The following EOGT variants were observed in gnomAD, a reference collection of about 807,000 sequenced individuals.
EOGT encodes EGF domain-specific O-linked N-acetylglucosamine transferase.
Under a neutral mutation model 70.5 loss-of-function variants are expected in EOGT, and 55 were observed. The ratio of observed to expected loss-of-function variants is 0.78; its 90% confidence interval spans 0.63 to 0.98. The LOEUF (loss-of-function observed/expected upper bound fraction) is 0.98, where lower values mean the gene tolerates loss of function less well. Ranked by LOEUF, EOGT falls within the 50% of genes least tolerant of loss-of-function variation. EOGT has a pLI of 0.00. For missense variants in EOGT, 703 were observed against 641.9 expected (o/e 1.10, Z -1.03); for synonymous variants, 246 against 217.1 (o/e 1.13, Z -1.17).
chr3:68,982,869 C>G lies in EOGT; in HGVS notation c.1156G>C (p.Val386Leu), dbSNP rs900088584. 1.3e-6 allele frequency: 2 copies of G among 1,599,292 alleles called. No individual in the cohort carries two copies. The highest frequency in any genetic ancestry group is 1.7e-6 in the Non-Finnish European group (2 of 1,173,028). The change falls in exon 15 of 18, where the codon GTA (valine) becomes CTA (leucine). Residue 386 changes from valine to leucine, a missense_variant. Coordinates refer to ENST00000383701, the MANE Select transcript of EOGT (RefSeq NM_001278689.2). Reference sequence around the variant, plus strand: ...GTAGATACTGTTTTCAGTGCATTTACAAGCTGGGAAAAAAAGAGAAACATT... The same window carrying G: ...GTAGATACTGTTTTCAGTGCATTTAGAAGCTGGGAAAAAAAGAGAAACATT... ...YRKILNQNEL[V>L]NALKTVSTFE...
intron 14 of EOGT, among the ~76,000 whole-genome samples, chr3:68,983,541 T>C (rs962789861): frequency 3.3e-5 from 5 of 152,270 alleles, no homozygotes; most frequent in Non-Finnish European, 7.3e-5. Context: ...AACTGTGTCA[T>C]GTTGCCTTGT....
At chr3:68,990,313 C>A (rs1186485495) in intron 10 of EOGT, among the ~76,000 whole-genome samples, 1 of 150,924 alleles carries the variant, frequency 6.6e-6, no homozygotes, top group Non-Finnish European at 1.5e-5. Flanking sequence ...TGCCTTTCAG[C>A]AGGAATTAGT....
intron 8 of EOGT, among the ~76,000 whole-genome samples, chr3:69,002,844 CTTT>C (rs1559610135): frequency 6.6e-6 from 1 of 151,758 alleles, no homozygotes; most frequent in Non-Finnish European, 1.5e-5. Flanking sequence ...TTTTATTTTT[CTTT>C]TTTAGAGATG....
intron 14 of EOGT, among the ~76,000 whole-genome samples, chr3:68,984,849 A>T (rs780077366): frequency 1.3e-5 from 2 of 152,054 alleles, no homozygotes; most frequent in Non-Finnish European, 2.9e-5. Flanking sequence ...TTCCTGATGG[A>T]CTGGGGCCAG....
intron 9 of EOGT, 35 bp from the exon 10 acceptor site, chr3:68,998,149 C>CAA: frequency 8.8e-7 from 1 of 1,135,418 alleles, no homozygotes; most frequent in Non-Finnish European, 1.3e-6. Context: ...TTAATTAACA[C>CAA]CAAAGAGCAC....
rs116007086 is a variant in EOGT at position 69,009,725 on chromosome 3, C to A, written c.122G>T (p.Arg41Leu). ...GAAGGGAATGTGCTCCTCTGGCAAGCGGATGCTGGCATAGTTATACAGAGG... is the reference window on the plus strand; with the variant it reads ...GAAGGGAATGTGCTCCTCTGGCAAGAGGATGCTGGCATAGTTATACAGAGG... ...GEPLYNYASI[R>L]LPEEHIPFFL... Residue 41 changes from arginine (R) to leucine (L), a missense_variant, in exon 4 of 18, where the codon CGC (arginine) becomes CTC (leucine). Coordinates refer to ENST00000383701, the MANE Select transcript of EOGT (RefSeq NM_001278689.2). 765 of 1,613,998 alleles carry A rather than the reference C, an allele frequency of 4.7e-4. 2 individuals are homozygous for A. The African/African-American group carries it at 8.7e-3, about 18-fold the overall frequency.
At position 69,007,753 on chromosome 3, in the gene EOGT, C is replaced by A. The variant is rs992843215; in HGVS notation, c.380G>T (p.Arg127Met). Reference sequence around the variant, plus strand: ...ACAGAGCACATGCATCTCCTCCAGCCTCTCTCTGGCATATCCAAAGTCAGC... The same window carrying A: ...ACAGAGCACATGCATCTCCTCCAGCATCTCTCTGGCATATCCAAAGTCAGC... Reference protein sequence around the residue: ...KQADFGYARERLEEMHVLCQP... With the variant: ...KQADFGYAREMLEEMHVLCQP... The change falls in exon 6 of 18, where the codon AGG becomes ATG. Residue 127 changes from arginine to methionine, a missense_variant. Arg to Met is a moderately conservative substitution (Grantham distance 91, BLOSUM62 -1). Coordinates refer to ENST00000383701, the MANE Select transcript of EOGT (RefSeq NM_001278689.2). The A allele has an allele frequency of 3.1e-6, 5 of 1,613,270 alleles. No individual in the cohort carries two copies. Among genetic ancestry groups the A allele is most frequent in the Non-Finnish European group, 4.2e-6 (5 of 1,179,556 alleles).
intron 10 of EOGT, among the ~76,000 whole-genome samples, chr3:68,991,633 A>G (rs142865184): frequency 5.0e-4 from 76 of 152,316 alleles, no homozygotes; most frequent in African/African-American, 1.7e-3. Context: ...AATATGAGAC[A>G]GAGAATGTAT....
chr3:69,009,805 G>A lies in EOGT; in HGVS notation c.42C>T (p.Val14=). The change falls in exon 4 of 18, where the codon GTC becomes GTT. Residue 14 remains valine (V), a synonymous_variant. Coordinates refer to ENST00000383701, the MANE Select transcript of EOGT (RefSeq NM_001278689.2). ...LFVFGVLLHE[V]SLSGQNEAPP... Reference sequence around the variant, plus strand: ...GAGCTTCATTCTGACCACTCAGTGAGACTTCATGAAGTAAGACTCCAAAGA... The same window carrying A: ...GAGCTTCATTCTGACCACTCAGTGAAACTTCATGAAGTAAGACTCCAAAGA... 6.2e-7 allele frequency: 1 copy of A among 1,613,718 alleles called. No homozygotes were observed. Among genetic ancestry groups the A allele is most frequent in the Non-Finnish European group, 8.5e-7 (1 of 1,179,932 alleles).
intron 15 of EOGT, among the ~76,000 whole-genome samples, chr3:68,980,619 C>A (rs567272471): frequency 1.3e-5 from 2 of 152,170 alleles, no homozygotes; most frequent in African/African-American, 4.8e-5. Flanking sequence ...TTTGGATCTA[C>A]GAAGGGAAGC....
chr3:69,010,089 AG>A (rs1370205502), intron 3 of EOGT, among the ~76,000 whole-genome samples: 1 of 152,240 alleles, frequency 6.6e-6, no homozygotes, highest in Non-Finnish European at 1.5e-5. Flanking sequence ...GAACAAAACA[AG>A]AAAGAGCCTT....
At chr3:69,012,953 G>A (rs1456518403) in intron 1 of EOGT, among the ~76,000 whole-genome samples, 154 bp from the exon 2 acceptor site, 6 of 152,082 alleles carry the variant, frequency 3.9e-5, no homozygotes, top group African/African-American at 1.4e-4. Flanking sequence ...AGTTCAACAC[G>A]TGAGACCCCG....
chr3:68,990,348 C>CTTTTTTT (rs56046605), intron 10 of EOGT, among the ~76,000 whole-genome samples: 2 of 107,890 alleles, frequency 1.9e-5, no homozygotes, highest in Non-Finnish European at 3.6e-5. Flanking sequence ...TTACCACATG[C>CTTTTTTT]TTTTTTTTTT....
At chr3:69,001,209 C>T (rs1345106512) in intron 9 of EOGT, among the ~76,000 whole-genome samples, 3 of 152,090 alleles carry the variant, frequency 2.0e-5, no homozygotes, top group Admixed American at 6.5e-5. Context: ...CTGCCTGCCT[C>T]GGCCTCCCAC....
At chr3:68,996,933 G>A (rs911023528) in intron 10 of EOGT, among the ~76,000 whole-genome samples, 6 of 152,178 alleles carry the variant, frequency 3.9e-5, no homozygotes, top group Non-Finnish European at 8.8e-5. Flanking sequence ...AACATTCAGA[G>A]CACAAGTACT....
intron 9 of EOGT, among the ~76,000 whole-genome samples, chr3:68,998,753 C>T (rs547264675): frequency 6.7e-6 from 1 of 148,644 alleles, no homozygotes; most frequent in African/African-American, 2.5e-5. Context: ...GGAGAATTTG[C>T]TTGAACCTGG....
At chr3:69,000,338 A>G (rs2091263325) in intron 9 of EOGT, among the ~76,000 whole-genome samples, 1 of 152,238 alleles carries the variant, frequency 6.6e-6, no homozygotes, top group Non-Finnish European at 1.5e-5. Context: ...CTCACTTTAT[A>G]TACTTTATTG....
chr3:68,983,440 G>C (rs9850164), intron 14 of EOGT, among the ~76,000 whole-genome samples: 4,414 of 152,250 alleles, frequency 0.029, 221 homozygotes, highest in African/African-American at 0.1. Context: ...AAGTAACAAA[G>C]CATTGTTAAT....
chr3:69,009,716 T>C lies in EOGT; in HGVS notation c.131A>G (p.Glu44Gly). 6.2e-7 allele frequency: 1 copy of C among 1,614,082 alleles called. No individual in the cohort carries two copies. The highest frequency in any genetic ancestry group is 8.5e-7 in the Non-Finnish European group (1 of 1,180,016). The change falls in exon 4 of 18, where the codon GAG (glutamate) becomes GGG (glycine). Residue 44 changes from glutamate to glycine, a missense_variant. By Grantham distance (98) the Glu-to-Gly change is moderately conservative. Coordinates refer to ENST00000383701, the MANE Select transcript of EOGT (RefSeq NM_001278689.2). ...LYNYASIRLP[E>G]EHIPFFLHNN... is the part of the protein sequence containing the mutation. Reference sequence around the variant, plus strand: ...GTGCAAAAAGAAGGGAATGTGCTCCTCTGGCAAGCGGATGCTGGCATAGTT... The same window carrying C: ...GTGCAAAAAGAAGGGAATGTGCTCCCCTGGCAAGCGGATGCTGGCATAGTT...
Sources: allele counts gnomAD v4.1 joint callset (sites outside exome capture counted in the v4.1 genomes callset), GRCh38; gene constraint gnomAD v4.1.1; transcripts MANE v1.5; gene names NCBI Gene and HGNC (gene_info 2026-07-23, HGNC 2026-07-21).